The following ZCCHC14 variants were observed in gnomAD, a reference collection of about 807,000 sequenced individuals.
ZCCHC14 encodes zinc finger CCHC-type containing 14.
In ZCCHC14, 16 loss-of-function variants were observed where a neutral mutation model predicts 85.0. The observed-to-expected ratio is 0.19, with a 90% CI of 0.13 to 0.29. The LOEUF is 0.29. Among genes scored for constraint, ZCCHC14 ranks in the 10% least tolerant of loss-of-function variants. The probability of loss-of-function intolerance (pLI) is 1.00; values close to 1 mark genes in which losing one functional copy is unlikely to be tolerated. For missense variants in ZCCHC14, 1,303 were observed against 1,443.5 expected (o/e 0.90, Z 1.58); for synonymous variants, 775 against 630.7 (o/e 1.23, Z -3.43).
chr16:87,476,854 C>T lies in ZCCHC14; in HGVS notation c.570+14815G>A, dbSNP rs575934325. Among the ~76,000 whole-genome samples the T allele has an allele frequency of 7.9e-5, 12 of 151,970 alleles. No homozygotes were observed. In the East Asian group the frequency reaches 1.7e-3, roughly 22 times the overall value. On this transcript the variant is annotated intron_variant, in intron 1 of 12. Transcript: ENST00000671377. ...TCAAAACTGAAGTGGTGGCCGGGCG[C>T]GGTGGCTCGTGCCTGTAATCCCAGC...
chr16:87,411,328 G>A (rs150837301), intron 12 of ZCCHC14, 188 bp downstream of exon 12: 133 of 1,481,722 alleles, frequency 9.0e-5, no homozygotes, highest in African/African-American at 2.4e-4. Flanking sequence ...CATCATGGCC[G>A]TTTTAGACCC....
chr16:87,418,933 T>G, intron 6 of ZCCHC14, 32 bp from the exon 7 acceptor site: 3 of 1,544,890 alleles, frequency 1.9e-6, no homozygotes, highest in African/African-American at 1.4e-5. Context: ...CCATAAAAAT[T>G]TACAGACAAT....
rs534017357 is a variant in ZCCHC14, at chr16:87,407,159, T to C, written c.*3121A>G. 6.6e-6 allele frequency: 1 copy of C among 152,408 alleles called. No individual in the cohort carries two copies. The highest frequency in any genetic ancestry group is 1.9e-4 in the East Asian group (1 of 5,190). 9.4% of individuals were successfully genotyped at this position (152,408 alleles called of 1,614,324 possible). On this transcript the variant is annotated 3_prime_UTR_variant, in exon 13 of 13. Coordinates refer to ENST00000671377, the MANE Select transcript of ZCCHC14 (RefSeq NM_015144.3). ...CAAAGTCACTACCCCGCCCCACTAC[T>C]GTGCCCCAAGACAGAGTCTGTGGTA...
intron 2 of ZCCHC14, among the ~76,000 whole-genome samples, chr16:87,454,671 G>T (rs1910865795): frequency 6.6e-6 from 1 of 152,212 alleles, no homozygotes; most frequent in Non-Finnish European, 1.5e-5. Flanking sequence ...CCAATTTTCA[G>T]GATAAAATGA....
At chr16:87,422,110 G>C (rs1370550224) in intron 4 of ZCCHC14, among the ~76,000 whole-genome samples, 3 of 152,180 alleles carry the variant, frequency 2.0e-5, no homozygotes, top group African/African-American at 4.8e-5. Flanking sequence ...GAACTTTCAT[G>C]AACACGTTTC....
chr16:87,418,168 CACAGA>C (rs1481147310), intron 7 of ZCCHC14, among the ~76,000 whole-genome samples: 3 of 152,200 alleles, frequency 2.0e-5, no homozygotes, highest in African/African-American at 7.2e-5. Context: ...ACTTCTAAGT[CACAGA>C]ATGACACTGA....
chr16:87,483,705 G>A (rs192688443), intron 1 of ZCCHC14, among the ~76,000 whole-genome samples: 3 of 152,294 alleles, frequency 2.0e-5, no homozygotes, highest in East Asian at 1.9e-4. Context: ...CTCGTTAAAG[G>A]TTAGGGAAAC....
intron 3 of ZCCHC14, 29 bp downstream of exon 3, chr16:87,433,099 A>G: frequency 6.2e-7 from 1 of 1,609,408 alleles, no homozygotes. Flanking sequence ...GCCTTCCAGG[A>G]GAGAGGGGAA....
chr16:87,445,547 C>T (rs905699925), intron 2 of ZCCHC14, among the ~76,000 whole-genome samples: 4 of 152,156 alleles, frequency 2.6e-5, no homozygotes, highest in Non-Finnish European at 4.4e-5. Context: ...ATAATCCATT[C>T]TTCCAAATCT....
chr16:87,420,842 A>C lies in ZCCHC14; in HGVS notation c.841-126T>G. On this transcript the variant is annotated intron_variant, in intron 4 of 12. Coordinates refer to ENST00000671377, the MANE Select transcript of ZCCHC14 (RefSeq NM_015144.3). This position sits in a 1 kb window ranked among gnomAD's most constrained non-coding sequence, Gnocchi z 5.0. Reference sequence around the variant, plus strand: ...CGCCTGCTGGTCTGATATGATTTACACCTCCCGTCAGAGCTATTCTGGGGC... The same window carrying C: ...CGCCTGCTGGTCTGATATGATTTACCCCTCCCGTCAGAGCTATTCTGGGGC... 1 of 678,630 alleles carries C rather than the reference A, an allele frequency of 1.5e-6. No individual in the cohort carries two copies. Among genetic ancestry groups the C allele is most frequent in the East Asian group, 3.0e-5 (1 of 33,342 alleles). 42.0% of individuals were successfully genotyped at this position (678,630 alleles called of 1,614,324 possible). A position where few individuals can be genotyped will look rare whatever the true frequency, so the allele number is the denominator to read the frequency against.
At chr16:87,464,932 G>T (rs1043352306) in intron 1 of ZCCHC14, among the ~76,000 whole-genome samples, 2 of 152,180 alleles carry the variant, frequency 1.3e-5, no homozygotes, top group Admixed American at 1.3e-4. Flanking sequence ...GGCTCCAAAG[G>T]CTGCCTTCTG....
At chr16:87,456,025 A>T (rs935034778) in intron 2 of ZCCHC14, among the ~76,000 whole-genome samples, 2 of 152,254 alleles carry the variant, frequency 1.3e-5, no homozygotes, top group African/African-American at 4.8e-5. Flanking sequence ...GTTGAAAAGC[A>T]TCTATGCGGT....
Position 87,410,083 on chromosome 16 carries a change from C to G in ZCCHC14, c.*197G>C, listed in dbSNP as rs1048186018. Reference sequence around the variant, plus strand: ...GATGCCCACTAGGCGAGTTCTGACACCAAGCTCCAATCTAGGGTTTTGGCA... The same window carrying G: ...GATGCCCACTAGGCGAGTTCTGACAGCAAGCTCCAATCTAGGGTTTTGGCA... On this transcript the variant is annotated 3_prime_UTR_variant, in exon 13 of 13. Coordinates refer to ENST00000671377, the MANE Select transcript of ZCCHC14 (RefSeq NM_015144.3). The G allele has an allele frequency of 1.1e-5, 5 of 461,150 alleles. No homozygotes were observed. The highest frequency in any genetic ancestry group is 1.9e-5 in the Non-Finnish European group (5 of 261,240). 28.6% of individuals were successfully genotyped at this position (461,150 alleles called of 1,614,324 possible).
intron 1 of ZCCHC14, among the ~76,000 whole-genome samples, chr16:87,469,173 G>A (rs948182236): frequency 3.9e-5 from 6 of 152,080 alleles, no homozygotes; most frequent in Admixed American, 1.3e-4. Context: ...TCAGCCTCCC[G>A]AGTAGCTGGG....
rs893452214 is a variant in ZCCHC14 at position 87,427,474 on chromosome 16, T to C, written c.769-3593A>G. 2.0e-5 allele frequency among the ~76,000 whole-genome samples: 3 copies of C among 152,250 alleles called. No individual in the cohort carries two copies. In the South Asian group the frequency reaches 6.2e-4, roughly 32 times the overall value. On this transcript the variant is annotated intron_variant, in intron 3 of 12. Transcript: ENST00000671377. The stretch of plus-strand genomic sequence containing the variant: ...CCCAGGCTGGAGTGCAGTGGCGCGA[T>C]CTCAGCTCACTGCAACCAACCTCCG...
Position 87,417,472 on chromosome 16 carries a change from G to A in ZCCHC14, c.1371C>T (p.Leu457=). ...LHKYYPVFKQ[L]SMEKFLSLTE... ...AAAACCGACATACCTTCTCCATGGA[G>A]AGCTGCTTAAAGACGGGGTAATACT... Residue 457 remains leucine (L), a synonymous_variant, in exon 8 of 13, where the codon CTC becomes CTT. Coordinates refer to ENST00000671377, the MANE Select transcript of ZCCHC14 (RefSeq NM_015144.3). 4 of 1,613,978 alleles carry A rather than the reference G, an allele frequency of 2.5e-6. No individual in the cohort carries two copies. In the African/African-American group the frequency reaches 4.0e-5, roughly 16 times the overall value.
At chr16:87,480,666 G>A (rs1195829817) in intron 1 of ZCCHC14, among the ~76,000 whole-genome samples, 2 of 152,154 alleles carry the variant, frequency 1.3e-5, no homozygotes, top group African/African-American at 4.8e-5. Flanking sequence ...CGGATGCTCC[G>A]CAGGTGAGCC....
At chr16:87,445,542 C>G (rs1228598145) in intron 2 of ZCCHC14, among the ~76,000 whole-genome samples, 1 of 152,126 alleles carries the variant, frequency 6.6e-6, no homozygotes, top group Non-Finnish European at 1.5e-5. Flanking sequence ...GGATCATAAT[C>G]CATTCTTCCA....
intron 8 of ZCCHC14, 70 bp from the exon 9 acceptor site, chr16:87,415,437 G>T: frequency 7.7e-7 from 1 of 1,305,390 alleles, no homozygotes; most frequent in Non-Finnish European, 1.1e-6. Flanking sequence ...AGAACTTGGA[G>T]TTGAATTCAG....
Sources: allele counts gnomAD v4.1 joint callset (sites outside exome capture counted in the v4.1 genomes callset), GRCh38; gene constraint gnomAD v4.1.1; non-coding constraint Gnocchi (gnomAD v3.1); transcripts MANE v1.5; gene names NCBI Gene and HGNC (gene_info 2026-07-23, HGNC 2026-07-21).